Variants in NPNT observed in about 807,000 individuals in gnomAD.
The protein encoded by NPNT is nephronectin.
Under a neutral mutation model 68.6 loss-of-function variants are expected in NPNT, and 45 were observed. That is an observed-to-expected ratio of 0.66 (90% CI 0.52 to 0.84). NPNT has a LOEUF of 0.84. NPNT is among the 40% of genes least tolerant of loss of function. NPNT has a pLI of 0.00. For missense variants in NPNT, 672 were observed against 714.8 expected (o/e 0.94, Z 0.68); for synonymous variants, 233 against 253.3 (o/e 0.92, Z 0.76).
At chr4:105,947,967 A>G (rs1477763328) in intron 8 of NPNT, among the ~76,000 whole-genome samples, 1 of 152,166 alleles carries the variant, frequency 6.6e-6, no homozygotes, top group Non-Finnish European at 1.5e-5. Context: ...TGGGCAGTCA[A>G]AAATATTTGT....
At chr4:105,946,918 G>A (rs1462898231) in intron 8 of NPNT, among the ~76,000 whole-genome samples, 2 of 152,138 alleles carry the variant, frequency 1.3e-5, no homozygotes, top group Admixed American at 6.6e-5. Context: ...TACCAAGGTG[G>A]AGTTTCCCAA....
In NPNT at chr4:105,897,643, GA is replaced by G. The variant is rs577908020; in HGVS notation, c.72-255del. 2.6e-3 allele frequency among the ~76,000 whole-genome samples: 394 copies of G among 152,298 alleles called. 3 individuals carry two copies. Among genetic ancestry groups the G allele is most frequent in the East Asian group, 9.6e-4 (5 of 5,186 alleles). On this transcript the variant is annotated intron_variant, in intron 1 of 11. Coordinates refer to ENST00000379987, the MANE Select transcript of NPNT (RefSeq NM_001033047.3). ...GTTAGCTGGTGCTATTTCTACTTAA[GA>G]AAGCATCTTTCCCTCCCGTTTTTTC... is the stretch of plus-strand genomic sequence containing the variant.
chr4:105,917,209 C>T (rs1254141345), intron 2 of NPNT, among the ~76,000 whole-genome samples: 1 of 152,198 alleles, frequency 6.6e-6, no homozygotes, highest in Admixed American at 6.5e-5. Context: ...TAGGCCCAGT[C>T]GCAGTGGACG....
intron 10 of NPNT, among the ~76,000 whole-genome samples, chr4:105,962,585 C>G (rs1731804554): frequency 6.6e-6 from 1 of 151,972 alleles, no homozygotes. Context: ...ATTAGAAAAC[C>G]TCTAAACCAG....
At chr4:105,908,571 T>C (rs1268383163) in intron 2 of NPNT, among the ~76,000 whole-genome samples, 1 of 142,468 alleles carries the variant, frequency 7.0e-6, no homozygotes, top group Non-Finnish European at 1.5e-5. Flanking sequence ...CCTTTAGCCT[T>C]TTTTTTTTTT....
rs540975568 is a variant in NPNT at position 105,971,159 on chromosome 4, TTC to T, written c.*2175_*2176del. On this transcript the variant is annotated 3_prime_UTR_variant, in exon 12 of 12. Transcript: ENST00000379987. The stretch of plus-strand genomic sequence containing the variant: ...TTCAGAGAGATTTTCATCGGGTGCA[TTC>T]TCTCTGCTTCGTGTGTGACAAGTTA... 3.0e-4 allele frequency: 135 copies of T among 456,064 alleles called. No individual in the cohort carries two copies. The highest frequency in any genetic ancestry group is 2.3e-3 in the African/African-American group (115 of 50,158). 28.3% of individuals were successfully genotyped at this position (456,064 alleles called of 1,614,324 possible). A position where few individuals can be genotyped will look rare whatever the true frequency, so the allele number is the denominator to read the frequency against.
rs150016900 is a variant in NPNT, at chr4:105,945,712, T to C, written c.1159+3010T>C. Among the ~76,000 whole-genome samples, 599 of 152,328 alleles carry C rather than the reference T, an allele frequency of 3.9e-3. 3 individuals carry two copies. The highest frequency in any genetic ancestry group is 0.014 in the African/African-American group (577 of 41,578). ...CAAAATCCTTTATCCAAATAACTTATGGAATATAGCATTTTTTAGATTTTA... is the reference window on the plus strand; with the variant it reads ...CAAAATCCTTTATCCAAATAACTTACGGAATATAGCATTTTTTAGATTTTA... On this transcript the variant is annotated intron_variant, in intron 8 of 11. Transcript: ENST00000379987.
intron 10 of NPNT, among the ~76,000 whole-genome samples, chr4:105,965,934 G>C (rs142990857): frequency 6.6e-6 from 1 of 152,102 alleles, no homozygotes; most frequent in Non-Finnish European, 1.5e-5. Context: ...ACAACCTGCT[G>C]GGGAGCCCTT....
chr4:105,908,053 GTTATTC>G (rs1252308339), intron 2 of NPNT, among the ~76,000 whole-genome samples: 13 of 152,104 alleles, frequency 8.5e-5, no homozygotes, highest in African/African-American at 3.1e-4. Flanking sequence ...AAATCAACCT[GTTATTC>G]TTAACTCTGA....
At chr4:105,900,400 C>T (rs1486958635) in intron 2 of NPNT, among the ~76,000 whole-genome samples, 1 of 152,170 alleles carries the variant, frequency 6.6e-6, no homozygotes, top group Non-Finnish European at 1.5e-5. Context: ...AGTGCAGTGA[C>T]CCTTTGGTGA....
In NPNT at chr4:105,959,131, A is replaced by G. The variant is rs1203588202; in HGVS notation, c.1345+5A>G. On this transcript the variant is annotated splice_donor_5th_base_variant and intron_variant, in intron 10 of 11. Transcript: ENST00000379987. The stretch of plus-strand genomic sequence containing the variant: ...AACCAATCAGGGACCCAGCAGGTAA[A>G]ACCATTTCATTTAACTTTTTCTGGT... 2 of 1,593,362 alleles carry G rather than the reference A, an allele frequency of 1.3e-6. No homozygotes were observed. The highest frequency in any genetic ancestry group is 1.7e-6 in the Non-Finnish European group (2 of 1,161,430).
chr4:105,898,290 T>TTCTCTCTCTC (rs148494812), intron 2 of NPNT, among the ~76,000 whole-genome samples: 7 of 94,752 alleles, frequency 7.4e-5, no homozygotes, highest in South Asian at 3.2e-4. Context: ...CCAGGTTTAT[T>TTCTCTCTCTC]TCTCTCTCTC....
Position 105,940,536 on chromosome 4 carries a change from T to C in NPNT, c.663T>C (p.Gly221=). 1 of 1,613,264 alleles carries C rather than the reference T, an allele frequency of 6.2e-7. No individual in the cohort carries two copies. The highest frequency in any genetic ancestry group is 8.5e-7 in the Non-Finnish European group (1 of 1,179,346). Residue 221 remains glycine (G), a synonymous_variant, in exon 7 of 12, where the codon GGT becomes GGC. Coordinates refer to ENST00000379987, the MANE Select transcript of NPNT (RefSeq NM_001033047.3). The part of the protein sequence containing the change: ...QCHDIDECSL[G]QYQCSSFARC... ...CAGACATAGACGAATGCTCACTTGG[T>C]CAGTATCAGTGCAGCAGCTTTGCTC...
At chr4:105,958,229 T>C (rs1731394089) in intron 8 of NPNT, among the ~76,000 whole-genome samples, 2 of 152,208 alleles carry the variant, frequency 1.3e-5, no homozygotes, top group Admixed American at 6.5e-5. Flanking sequence ...AAGTTATTTT[T>C]GTTGAATTTT....
chr4:105,942,136 T>C (rs56274792), intron 7 of NPNT, among the ~76,000 whole-genome samples, 171 bp from the exon 8 acceptor site: 5,700 of 146,856 alleles, frequency 0.039, 233 homozygotes, highest in South Asian at 0.089. Flanking sequence ...TATATATATA[T>C]ACACACATAT....
rs563839266 is a variant in NPNT, at chr4:105,970,523, G to T, written c.*1533G>T. The T allele has an allele frequency of 1.5e-6, 1 of 685,656 alleles. No homozygotes were observed. The highest frequency in any genetic ancestry group is 1.5e-5 in the South Asian group (1 of 66,944). 42.5% of individuals were successfully genotyped at this position (685,656 alleles called of 1,614,324 possible). ...TTCAAGTATATGAAGGGTTGGCACA[G>T]AGAGGGTGGCGACCAGCTGTTCTCC... is the stretch of plus-strand genomic sequence containing the variant. On this transcript the variant is annotated 3_prime_UTR_variant, in exon 12 of 12. Coordinates refer to ENST00000379987, the MANE Select transcript of NPNT (RefSeq NM_001033047.3).
rs200680451 is a variant in NPNT at position 105,953,170 on chromosome 4, G to GA, written c.1160-5293dup. Among the ~76,000 whole-genome samples, 851 of 151,924 alleles carry GA rather than the reference G, an allele frequency of 5.6e-3. 9 individuals are homozygous for GA. The highest frequency in any genetic ancestry group is 0.02 in the African/African-American group (816 of 41,476). ...GACACAGCAAGACTCTGTCTCAAAA[G>GA]AAAAAAAATTATCCTGTCTCCGGGC... On this transcript the variant is annotated intron_variant, in intron 8 of 11. Coordinates refer to ENST00000379987, the MANE Select transcript of NPNT (RefSeq NM_001033047.3).
intron 2 of NPNT, among the ~76,000 whole-genome samples, chr4:105,915,531 G>A (rs1727740342): frequency 6.6e-6 from 1 of 152,074 alleles, no homozygotes; most frequent in African/African-American, 2.4e-5. Flanking sequence ...GATCAAATGA[G>A]GAAACCCAAA....
At chr4:105,943,805 C>G (rs758060423) in intron 8 of NPNT, among the ~76,000 whole-genome samples, 1 of 151,904 alleles carries the variant, frequency 6.6e-6, no homozygotes, top group Admixed American at 6.6e-5. Flanking sequence ...TATTGAATAC[C>G]TTTATAACTT....
Sources: allele counts gnomAD v4.1 joint callset (sites outside exome capture counted in the v4.1 genomes callset), GRCh38; gene constraint gnomAD v4.1.1; transcripts MANE v1.5; gene names NCBI Gene and HGNC (gene_info 2026-07-23, HGNC 2026-07-21).